Variants in VSIG10L2 observed in about 807,000 individuals in gnomAD.
VSIG10L2 encodes the protein V-set and immunoglobulin domain containing 10 like 2.
VSIG10L2 carries 56 observed loss-of-function variants against 67.1 expected under a neutral mutation model. That is an observed-to-expected ratio of 0.83 (90% CI 0.67 to 1.04). The LOEUF (loss-of-function observed/expected upper bound fraction) is 1.04. VSIG10L2 is among the 50% of genes least tolerant of loss of function. VSIG10L2 has a pLI of 0.00. For synonymous variants in VSIG10L2, 360 were observed against 396.6 expected, an observed-to-expected ratio of 0.91 and a Z score of 1.10; for missense variants, 843 against 932.8, an observed-to-expected ratio of 0.90 and a Z score of 1.25.
At chr11:125,951,246 G>A in intron 5 of VSIG10L2, 88 bp downstream of exon 5, 1 of 1,214,744 alleles carries the variant, frequency 8.2e-7, no homozygotes, top group Non-Finnish European at 1.0e-6. Flanking sequence ...CCTGGGATCT[G>A]GGTGGCTCTC....
intron 1 of VSIG10L2, chr11:125,947,430 AGT>A: frequency 1.0e-6 from 1 of 985,334 alleles, no homozygotes; most frequent in Non-Finnish European, 1.2e-6. Flanking sequence ...ACCCATGAGG[AGT>A]GGGGATGTCT....
At position 125,955,101 on chromosome 11, in the gene VSIG10L2, G is replaced by A; in HGVS notation, c.2128G>A (p.Gly710Ser). 1.6e-6 allele frequency: 2 copies of A among 1,239,590 alleles called. No individual in the cohort carries two copies. The highest frequency in any genetic ancestry group is 2.0e-6 in the Non-Finnish European group (2 of 992,702). 76.8% of individuals were successfully genotyped at this position (1,239,590 alleles called of 1,614,324 possible). Reference protein sequence around the residue: ...SAYPAVLGAAGTGMVVATVAS... With the variant: ...SAYPAVLGAASTGMVVATVAS... ...CTACCCAGCGGTGTTGGGTGCAGCA[G>A]GCACGGGAATGGTGGTAGCAACGGT... Residue 710 changes from glycine (G) to serine (S), a missense_variant, in exon 9 of 12, where the codon GGC becomes AGC. Coordinates refer to ENST00000686984, the MANE Select transcript of VSIG10L2 (RefSeq NM_001365077.2).
chr11:125,952,530 T>C (rs673240), intron 6 of VSIG10L2, among the ~76,000 whole-genome samples: 12,550 of 152,336 alleles, frequency 0.082, 684 homozygotes, highest in Admixed American at 0.19. Flanking sequence ...CAAGTTCCCA[T>C]ATTGACGTGG....
In VSIG10L2 at chr11:125,948,023, G is replaced by A. The variant is rs527517840; in HGVS notation, c.420G>A (p.Thr140=). The change falls in exon 2 of 12, where the codon ACG becomes ACA. Residue 140 remains threonine (T), a synonymous_variant. Coordinates refer to ENST00000686984, the MANE Select transcript of VSIG10L2 (RefSeq NM_001365077.2). The part of the protein sequence containing the change: ...GQLHAAYSHL[T]LAVLVPVSKP... The stretch of plus-strand genomic sequence containing the variant: ...TCCACGCTGCCTACTCCCACCTCAC[G>A]CTGGCTGTGCTGGGTGAGGGCCTGG... 1.1e-5 allele frequency: 14 copies of A among 1,232,394 alleles called. No homozygotes were observed. In the East Asian group the frequency reaches 2.5e-4, roughly 22 times the overall value. 76.3% of individuals were successfully genotyped at this position (1,232,394 alleles called of 1,614,324 possible). A position where few individuals can be genotyped will look rare whatever the true frequency, so the allele number is the denominator to read the frequency against.
rs1005645382 is a variant in VSIG10L2, at chr11:125,955,192, C to T, written c.2206+13C>T. 17 of 1,248,290 alleles carry T rather than the reference C, an allele frequency of 1.4e-5. No homozygotes were observed. Among genetic ancestry groups the T allele is most frequent in the Admixed American group, 3.9e-5 (1 of 25,710 alleles). The allele number at this position is 1,248,290 out of a possible 1,614,324, so 77.3% of individuals were successfully genotyped here. On this transcript the variant is annotated intron_variant, in intron 9 of 11. Transcript: ENST00000686984. The stretch of plus-strand genomic sequence containing the variant: ...GAGACTTTCCCCCGTGAGTGGGAAT[C>T]GGAAGGGACGGGCTGCTTGACCCCA...
At chr11:125,955,438 G>A (rs927045800) in intron 9 of VSIG10L2, among the ~76,000 whole-genome samples, 44 bp from the exon 10 acceptor site, 2 of 152,190 alleles carry the variant, frequency 1.3e-5, no homozygotes, top group Non-Finnish European at 2.9e-5. Flanking sequence ...TGGGATCTCT[G>A]CTGGGCTGGC....
intron 4 of VSIG10L2, 51 bp from the exon 5 acceptor site, chr11:125,950,859 C>T (rs1945358562): frequency 1.6e-6 from 2 of 1,232,182 alleles, no homozygotes; most frequent in Non-Finnish European, 2.0e-6. Context: ...CTGGGGGCTG[C>T]AGGGCACTGG....
intron 3 of VSIG10L2, 71 bp downstream of exon 3, chr11:125,948,651 A>G (rs371076851): frequency 8.2e-7 from 1 of 1,223,330 alleles, no homozygotes. Context: ...AGCCTTCCAC[A>G]CCTCAGAACT....
Position 125,947,782 on chromosome 11 carries a change from C to G in VSIG10L2, c.179C>G (p.Pro60Arg). Residue 60 changes from proline to arginine, a missense_variant, in exon 2 of 12, where the codon CCT (proline) becomes CGT (arginine). This residue lies in a region of VSIG10L2 where 446 missense variants were observed against 548.4 expected (regional missense o/e 0.81). Coordinates refer to ENST00000686984, the MANE Select transcript of VSIG10L2 (RefSeq NM_001365077.2). ...GSVELACGSG[P>R]APLLVLWSFT... Reference sequence around the variant, plus strand: ...GTGGAGCTGGCCTGTGGCTCAGGGCCTGCCCCGCTGCTGGTCCTCTGGAGC... The same window carrying G: ...GTGGAGCTGGCCTGTGGCTCAGGGCGTGCCCCGCTGCTGGTCCTCTGGAGC... The G allele has an allele frequency of 8.1e-7, 1 of 1,232,598 alleles. No homozygotes were observed. Among genetic ancestry groups the G allele is most frequent in the South Asian group, 4.1e-5 (1 of 24,332 alleles). 76.4% of individuals were successfully genotyped at this position (1,232,598 alleles called of 1,614,324 possible).
chr11:125,946,961 G>T lies in VSIG10L2; in HGVS notation c.83-725G>T, dbSNP rs1387828385. Among the ~76,000 whole-genome samples, 1 of 152,208 alleles carries T rather than the reference G, an allele frequency of 6.6e-6. No homozygotes were observed. Among genetic ancestry groups the T allele is most frequent in the Non-Finnish European group, 1.5e-5 (1 of 68,036 alleles). ...ACTTGGGCTTAGGCTGGGGTTGAGG[G>T]CTGGGCCCTGAGCCGAGAACACCTG... On this transcript the variant is annotated intron_variant, in intron 1 of 11. Transcript: ENST00000686984. This position sits in a 1 kb window ranked among gnomAD's most constrained non-coding sequence, Gnocchi z 4.4.
At chr11:125,955,713 A>T (rs1226639642) in intron 11 of VSIG10L2, 46 bp downstream of exon 11, 2 of 1,471,998 alleles carry the variant, frequency 1.4e-6, no homozygotes, top group South Asian at 1.2e-5. Context: ...CAAGGAGACC[A>T]GTGCTGGGTG....
At chr11:125,948,885 C>T (rs1431604865) in intron 3 of VSIG10L2, among the ~76,000 whole-genome samples, 4 of 152,234 alleles carry the variant, frequency 2.6e-5, no homozygotes, top group Admixed American at 2.6e-4. Context: ...TAGGTTGAGC[C>T]TGGAGGGCTC....
At chr11:125,954,494 T>A in intron 8 of VSIG10L2, 111 bp downstream of exon 8, 1 of 940,902 alleles carries the variant, frequency 1.1e-6, no homozygotes, top group African/African-American at 1.7e-5. Context: ...CGCATCCTAC[T>A]GAATTCTCCC....
In VSIG10L2 at chr11:125,955,482, G is replaced by A. The variant is rs1945449959; in HGVS notation, c.2207G>A (p.Arg736His). 5 of 795,206 alleles carry A rather than the reference G, an allele frequency of 6.3e-6. No homozygotes were observed. Among genetic ancestry groups the A allele is most frequent in the Non-Finnish European group, 9.9e-6 (5 of 502,762 alleles). 49.3% of individuals were successfully genotyped at this position (795,206 alleles called of 1,614,324 possible). Residue 736 changes from arginine (R) to histidine (H), a missense_variant and splice_region_variant, in exon 10 of 12, where the codon CGC becomes CAC. By Grantham distance (29) the Arg-to-His change is conservative (BLOSUM62 0). This residue lies in a region of VSIG10L2 where 397 missense variants were observed against 384.4 expected (regional missense o/e 1.03). Transcript: ENST00000686984. ...GCTCCTTTTCTTTTCCTTCCTACAG[G>A]CCTTGGTCAATTGCTTGTTCCCACG... is the stretch of plus-strand genomic sequence containing the variant. ...YAARHPETFP[R>H]LGQLLVPTEQ...
Position 125,952,046 on chromosome 11 carries a change from C to T in VSIG10L2, c.1468C>T (p.Pro490Ser). 1 of 1,535,190 alleles carries T rather than the reference C, an allele frequency of 6.5e-7. No individual in the cohort carries two copies. ...TCRGTHLLRTPDPHCHLQLEA... is the reference protein window; with the variant it reads ...TCRGTHLLRTSDPHCHLQLEA... ...CCGGGGCACTCACCTGCTCAGGACC[C>T]CTGACCCCCACTGCCACCTCCAGCT... is the stretch of plus-strand genomic sequence containing the variant. The change falls in exon 6 of 12, where the codon CCT (proline) becomes TCT (serine). Residue 490 changes from proline to serine, a missense_variant. Coordinates refer to ENST00000686984, the MANE Select transcript of VSIG10L2 (RefSeq NM_001365077.2).
rs1263054307 is a variant in VSIG10L2, at chr11:125,946,450, T to C, written c.82+313T>C. On this transcript the variant is annotated intron_variant, in intron 1 of 11. Transcript: ENST00000686984. This position sits in a 1 kb window ranked among gnomAD's most constrained non-coding sequence, Gnocchi z 4.4. Reference sequence around the variant, plus strand: ...GGGGATTAGGGCAATCAGGAGATCATTGCCATAATCCAGGTGAGAGATGCT... The same window carrying C: ...GGGGATTAGGGCAATCAGGAGATCACTGCCATAATCCAGGTGAGAGATGCT... 2.6e-5 allele frequency among the ~76,000 whole-genome samples: 4 copies of C among 152,130 alleles called. No homozygotes were observed. Among genetic ancestry groups the C allele is most frequent in the Non-Finnish European group, 4.4e-5 (3 of 68,016 alleles).
Position 125,955,668 on chromosome 11 carries a change from G to A in VSIG10L2, c.2284+1G>A, listed in dbSNP as rs748872440. ...AGAGAAGATGCTGAGGCACCGGCAG[G>A]TAAGCACCTTATCCAGAAAAAGACG... On this transcript the variant is annotated splice_donor_variant, in intron 11 of 11. Transcript: ENST00000686984. LOFTEE classifies it high-confidence loss of function. 1 of 1,533,440 alleles carries A rather than the reference G, an allele frequency of 6.5e-7. No individual in the cohort carries two copies. Among genetic ancestry groups the A allele is most frequent in the African/African-American group, 1.4e-5 (1 of 73,136 alleles). The allele number at this position is 1,533,440 out of a possible 1,614,324, so 95.0% of individuals were successfully genotyped here. A position where few individuals can be genotyped will look rare whatever the true frequency, so the allele number is the denominator to read the frequency against.
chr11:125,954,736 CCT>C (rs1192312545), intron 8 of VSIG10L2, among the ~76,000 whole-genome samples: 2 of 152,210 alleles, frequency 1.3e-5, no homozygotes, highest in African/African-American at 4.8e-5. Flanking sequence ...CCTGCTGCCC[CCT>C]CTCCATCCTG....
rs1252534642 is a variant in VSIG10L2, at chr11:125,951,945, T to C, written c.1367T>C (p.Leu456Pro). The C allele has an allele frequency of 1.3e-6, 2 of 1,536,114 alleles. No individual in the cohort carries two copies. The highest frequency in any genetic ancestry group is 1.7e-6 in the Non-Finnish European group (2 of 1,146,884). ...LGWLDEQQQP[L>P]GGSSSSMAVH... is the part of the protein sequence containing the mutation. ...TGGCTTGACGAACAGCAGCAGCCCC[T>C]GGGCGGCAGCAGCTCCTCGATGGCC... Residue 456 changes from leucine to proline, a missense_variant, in exon 6 of 12, where the codon CTG (leucine) becomes CCG (proline). Physicochemically the swap from Leu to Pro is moderately conservative, Grantham distance 98 (BLOSUM62 -3). Transcript: ENST00000686984.
Sources: allele counts gnomAD v4.1 joint callset (sites outside exome capture counted in the v4.1 genomes callset), GRCh38; gene constraint gnomAD v4.1.1; regional missense constraint gnomAD v4.1.1; non-coding constraint Gnocchi (gnomAD v3.1); transcripts MANE v1.5; gene names NCBI Gene and HGNC (gene_info 2026-07-23, HGNC 2026-07-21).